The following A1BG variants were observed in gnomAD, a reference collection of about 807,000 sequenced individuals.
A1BG encodes the protein alpha-1B-glycoprotein.
Under a neutral mutation model 46.0 loss-of-function variants are expected in A1BG, and 44 were observed. That is an observed-to-expected ratio of 0.96 (90% CI 0.75 to 1.23). The LOEUF (loss-of-function observed/expected upper bound fraction) is 1.23. Ranked by LOEUF, A1BG falls within the 50% of genes most tolerant of loss-of-function variation. The pLI is 0.00. For synonymous variants in A1BG, 316 were observed against 314.7 expected, an observed-to-expected ratio of 1.00 and a Z score of -0.04; for missense variants, 707 against 688.8, an observed-to-expected ratio of 1.03 and a Z score of -0.30.
chr19:58,350,326 G>A, intron 6 of A1BG, 44 bp downstream of exon 6: 3 of 1,508,438 alleles, frequency 2.0e-6, no homozygotes, highest in Non-Finnish European at 2.7e-6. Context: ...GCCCCGAGGG[G>A]CACTGAACCC....
At chr19:58,350,145 C>G (rs1174754707) in intron 6 of A1BG, 5 of 557,216 alleles carry the variant, frequency 9.0e-6, no homozygotes, top group East Asian at 3.2e-5. Context: ...CCGACCACCA[C>G]GCTACACGTG....
rs376617981 is a variant in A1BG at position 58,353,400 on chromosome 19, T to C, written c.34+4A>G. On this transcript the variant is annotated splice_donor_region_variant and intron_variant, in intron 1 of 7. Coordinates refer to ENST00000263100, the MANE Select transcript of A1BG (RefSeq NM_130786.4). ...CCAGGGACCCAGACCCCAGGAGGCC[T>C]CACCCCACAGCAAGAGAAAGACCAC... 4.7e-5 allele frequency: 75 copies of C among 1,606,026 alleles called. No individual in the cohort carries two copies. The highest frequency in any genetic ancestry group is 6.1e-5 in the Non-Finnish European group (72 of 1,175,682).
At chr19:58,347,815 G>T in intron 6 of A1BG, 175 bp from the exon 7 acceptor site, 1 of 369,186 alleles carries the variant, frequency 2.7e-6, no homozygotes, top group Non-Finnish European at 4.7e-6. Context: ...TGCGCCCGCT[G>T]CCTTCACACC....
At chr19:58,350,720 T>C (rs2148000159) in intron 5 of A1BG, 69 bp from the exon 6 acceptor site, 1 of 1,306,608 alleles carries the variant, frequency 7.7e-7, no homozygotes, top group East Asian at 3.1e-5. Flanking sequence ...TGGTCTGGCC[T>C]CGCGCTCTTT....
At chr19:58,347,677 C>CCCCAGGCCACGCCCCAGGCCGCG (rs1555779284) in intron 6 of A1BG, 37 bp from the exon 7 acceptor site, 40,449 of 670,844 alleles carry the variant, frequency 0.06, 9,209 homozygotes, top group African/African-American at 0.24. Flanking sequence ...CCAGGCCACG[C>CCCCAGGCCACGCCCCAGGCCGCG]CCCAGGCCAC....
At position 58,350,474 on chromosome 19, in the gene A1BG, T is replaced by G. The variant is rs1161255288; in HGVS notation, c.1088A>C (p.Asn363Thr). Residue 363 changes from asparagine (N) to threonine (T), a missense_variant, in exon 6 of 8, where the codon AAC becomes ACC. Coordinates refer to ENST00000263100, the MANE Select transcript of A1BG (RefSeq NM_130786.4). ...GTTGGCGGAGTCAGCCACGGAAATG[T>G]TGTGCAGCTCGAAGAGCGCCTCGGT... ...AGTEALFELHNISVADSANYS... is the reference protein window; with the variant it reads ...AGTEALFELHTISVADSANYS... The G allele has an allele frequency of 5.1e-6, 8 of 1,556,862 alleles. No homozygotes were observed. Among genetic ancestry groups the G allele is most frequent in the Non-Finnish European group, 6.1e-6 (7 of 1,150,934 alleles).
chr19:58,346,977 C>A lies in A1BG; in HGVS notation c.*45G>T, dbSNP rs1434492327. On this transcript the variant is annotated 3_prime_UTR_variant, in exon 8 of 8. Transcript: ENST00000263100. Reference sequence around the variant, plus strand: ...GGGGAGGGAGCCAGTCCAGAATCCCCGGCACTTCTGAGGACACCAACAGCA... The same window carrying A: ...GGGGAGGGAGCCAGTCCAGAATCCCAGGCACTTCTGAGGACACCAACAGCA... 2 of 1,612,848 alleles carry A rather than the reference C, an allele frequency of 1.2e-6. No homozygotes were observed. The highest frequency in any genetic ancestry group is 1.3e-5 in the African/African-American group (1 of 75,038).
chr19:58,350,408 C>T lies in A1BG; in HGVS notation c.1154G>A (p.Gly385Asp). The T allele has an allele frequency of 1.3e-6, 2 of 1,549,654 alleles. No individual in the cohort carries two copies. The highest frequency in any genetic ancestry group is 1.4e-5 in the African/African-American group (1 of 73,150). ...VYVDLKPPFG[G>D]SAPSERLELH... ...CTCCAAGCGCTCGCTGGGCGCGGAG[C>T]CCCCGAAAGGCGGCTTCAGGTCCAC... Residue 385 changes from glycine (G) to aspartate (D), a missense_variant, in exon 6 of 8, where the codon GGC becomes GAC. Transcript: ENST00000263100.
chr19:58,352,876 A>C, intron 3 of A1BG, 52 bp downstream of exon 3: 1 of 1,559,554 alleles, frequency 6.4e-7, no homozygotes. Context: ...GAGACCCCCC[A>C]GTCAACAACC....
rs2147999914 is a variant in A1BG, at chr19:58,350,464, C to T, written c.1098G>A (p.Val366=). ...EALFELHNIS[V]ADSANYSCVY... is the part of the protein sequence containing the mutation. ...CGCAGCTGTAGTTGGCGGAGTCAGC[C>T]ACGGAAATGTTGTGCAGCTCGAAGA... is the stretch of plus-strand genomic sequence containing the variant. The change falls in exon 6 of 8, where the codon GTG becomes GTA. Residue 366 remains valine (V), a synonymous_variant. Coordinates refer to ENST00000263100, the MANE Select transcript of A1BG (RefSeq NM_130786.4). 8 of 1,556,478 alleles carry T rather than the reference C, an allele frequency of 5.1e-6. No homozygotes were observed. The highest frequency in any genetic ancestry group is 2.4e-5 in the East Asian group (1 of 41,250).
intron 6 of A1BG, chr19:58,349,739 A>G (rs549594429): frequency 2.7e-5 from 4 of 150,560 alleles, no homozygotes; most frequent in Non-Finnish European, 5.9e-5. Flanking sequence ...AAGAAGAAAA[A>G]AGAAGAAAGA....
At position 58,347,006 on chromosome 19, in the gene A1BG, T is replaced by C; in HGVS notation, c.*16A>G. 1 of 1,614,054 alleles carries C rather than the reference T, an allele frequency of 6.2e-7. No individual in the cohort carries two copies. Among genetic ancestry groups the C allele is most frequent in the African/African-American group, 1.3e-5 (1 of 75,040 alleles). ...ACTTCTGAGGACACCAACAGCACCC[T>C]GGGCCCGCGGCTGCATCAGCTTTCT... On this transcript the variant is annotated 3_prime_UTR_variant, in exon 8 of 8. Transcript: ENST00000263100.
Position 58,352,335 on chromosome 19 carries a change from A to G in A1BG, c.561T>C (p.Asp187=), listed in dbSNP as rs2051968255. 2 of 1,613,778 alleles carry G rather than the reference A, an allele frequency of 1.2e-6. No individual in the cohort carries two copies. The highest frequency in any genetic ancestry group is 1.7e-6 in the Non-Finnish European group (2 of 1,179,972). Residue 187 remains aspartate, a synonymous_variant, in exon 4 of 8, where the codon GAT becomes GAC. Transcript: ENST00000263100. The part of the protein sequence containing the change: ...PGNYSCSYRT[D]GEGALSEPSA... Reference sequence around the variant, plus strand: ...TGGGCTCAGAGAGGGCGCCTTCCCCATCGGTCCGGTAGCTGCAGCTGTAGT... The same window carrying G: ...TGGGCTCAGAGAGGGCGCCTTCCCCGTCGGTCCGGTAGCTGCAGCTGTAGT...
Position 58,350,558 on chromosome 19 carries a change from G to A in A1BG, c.1004C>T (p.Ala335Val). 1 of 1,545,090 alleles carries A rather than the reference G, an allele frequency of 6.5e-7. No homozygotes were observed. Among genetic ancestry groups the A allele is most frequent in the Non-Finnish European group, 8.7e-7 (1 of 1,144,342 alleles). Residue 335 changes from alanine (A) to valine (V), a missense_variant, in exon 6 of 8, where the codon GCC becomes GTC. Transcript: ENST00000263100. ...CCCGCCCCTGTCCTCGCGCACCAGG[G>A]CGAAGCGCGCGCCCTCCAGGGGCGC... is the stretch of plus-strand genomic sequence containing the variant. ...CLAPLEGARF[A>V]LVREDRGGRR...
chr19:58,353,311 TGGGCCCCA>T lies in A1BG; in HGVS notation c.43_50del (p.Trp15SerfsTer9). 2 of 1,613,022 alleles carry T rather than the reference TGGGCCCCA, an allele frequency of 1.2e-6. No individual in the cohort carries two copies. Among genetic ancestry groups the T allele is most frequent in the Non-Finnish European group, 1.7e-6 (2 of 1,179,622 alleles). On this transcript the variant is annotated frameshift_variant, in exon 2 of 8. Transcript: ENST00000263100. LOFTEE classifies it high-confidence loss of function. ...ACTCACATATGGCTGCTTCTGTCAC[TGGGCCCCA>T]GGTGACACCTGCGGAGACAGCCCCC...
chr19:58,347,666 GCCAGGCCACGCCCCAGGCCACGCC>G (rs753157383), intron 6 of A1BG, 26 bp from the exon 7 acceptor site: 4 of 1,150,546 alleles, frequency 3.5e-6, no homozygotes, highest in East Asian at 3.2e-5. Flanking sequence ...GGGTGGTCGG[GCCAGGCCACGCCCCAGGCCACGCC>G]CCAGGCCACA....
At chr19:58,352,884 A>C (rs748963932) in intron 3 of A1BG, 44 bp downstream of exon 3, 3 of 1,578,334 alleles carry the variant, frequency 1.9e-6, no homozygotes, top group Non-Finnish European at 1.7e-6. Flanking sequence ...CCAGTCAACA[A>C]CCTACCCACT....
At position 58,352,269 on chromosome 19, in the gene A1BG, G is replaced by T. The variant is rs2051967200; in HGVS notation, c.613+14C>A. 1 of 1,612,192 alleles carries T rather than the reference G, an allele frequency of 6.2e-7. No individual in the cohort carries two copies. The highest frequency in any genetic ancestry group is 2.2e-5 in the East Asian group (1 of 44,850). ...CCTCCCCCAGCAGCCCCCAGAGATG[G>T]TTCCCACAGTCACCGAGCTCCTCAA... On this transcript the variant is annotated intron_variant, in intron 4 of 7. Transcript: ENST00000263100.
chr19:58,353,075 C>T lies in A1BG; in HGVS notation c.193G>A (p.Val65Met). ...TPDFQLFKNG[V>M]AQEPVHLDSP... ...TCAAGGTGCACAGGCTCCTGGGCCA[C>T]CCCATTCTTGAACAGCTGGAAGTCT... The change falls in exon 3 of 8, where the codon GTG becomes ATG. Residue 65 changes from valine (V) to methionine (M), a missense_variant. By Grantham distance (21) the Val-to-Met change is conservative. Coordinates refer to ENST00000263100, the MANE Select transcript of A1BG (RefSeq NM_130786.4). The T allele has an allele frequency of 6.2e-7, 1 of 1,614,166 alleles. No homozygotes were observed. The highest frequency in any genetic ancestry group is 8.5e-7 in the Non-Finnish European group (1 of 1,180,028).
Sources: allele counts gnomAD v4.1 joint callset, GRCh38; gene constraint gnomAD v4.1.1; transcripts MANE v1.5; gene names NCBI Gene and HGNC (gene_info 2026-07-23, HGNC 2026-07-21).